BOP1: variants seen among roughly 807,000 people sequenced by gnomAD.
BOP1 encodes ribosome biogenesis protein BOP1.
Under a neutral mutation model 82.9 loss-of-function variants are expected in BOP1, and 54 were observed. The observed-to-expected ratio is 0.65, with a 90% confidence interval of 0.52 to 0.82. BOP1 has a LOEUF of 0.82. Among genes scored for constraint, BOP1 ranks in the 40% least tolerant of loss-of-function variants. BOP1 has a pLI of 0.00. For missense variants in BOP1, 1,170 were observed against 1,072.0 expected (o/e 1.09, Z -1.28); for synonymous variants, 566 against 451.1 (o/e 1.25, Z -3.23).
At chr8:144,290,252 G>T (rs1378566697) in intron 1 of BOP1, among the ~76,000 whole-genome samples, 2 of 151,232 alleles carry the variant, frequency 1.3e-5, no homozygotes, top group African/African-American at 4.9e-5. Context: ...TACTCAGGAG[G>T]CTGAGTTAGC....
chr8:144,267,047 C>G, intron 3 of BOP1: 1 of 1,500,640 alleles, frequency 6.7e-7, no homozygotes, highest in Non-Finnish European at 8.8e-7. Flanking sequence ...CCCTGCCACT[C>G]CGGGCCCGCC....
At chr8:144,266,609 GC>G in intron 3 of BOP1, 2 of 1,166,666 alleles carry the variant, frequency 1.7e-6, no homozygotes, top group East Asian at 7.2e-5. Flanking sequence ...GCCCCCGCCG[GC>G]CCCATGTCCT....
At chr8:144,268,434 A>G (rs964096352) in intron 3 of BOP1, 39 of 559,732 alleles carry the variant, frequency 7.0e-5, no homozygotes, top group African/African-American at 1.3e-4. Flanking sequence ...ATGATAATAT[A>G]AAGTCTGAAA....
intron 3 of BOP1, among the ~76,000 whole-genome samples, chr8:144,271,348 C>T (rs1554837766): frequency 2.0e-5 from 3 of 152,008 alleles, no homozygotes. Flanking sequence ...AGAGAGGAAG[C>T]CGGCCCACCT....
chr8:144,267,006 G>A (rs1423909787), intron 3 of BOP1: 1 of 1,539,836 alleles, frequency 6.5e-7, no homozygotes. Flanking sequence ...GCAACGTGCT[G>A]CTGGCGGGCG....
chr8:144,267,929 T>A (rs1446324793), intron 3 of BOP1, among the ~76,000 whole-genome samples: 7 of 152,186 alleles, frequency 4.6e-5, no homozygotes, highest in Non-Finnish European at 1.0e-4. Flanking sequence ...TTTTACAATT[T>A]CGGCTGTGCA....
In BOP1 at chr8:144,262,437, C is replaced by T. The variant is rs1042555027; in HGVS notation, c.2046G>A (p.Ser682=). 67 of 1,612,702 alleles carry T rather than the reference C, an allele frequency of 4.2e-5. No homozygotes were observed. Among genetic ancestry groups the T allele is most frequent in the African/African-American group, 1.1e-4 (8 of 74,884 alleles). The part of the protein sequence containing the change: ...HPRYPLFASG[S]DDGSVIVCHG... The stretch of plus-strand genomic sequence containing the variant: ...GGCAGACGATGACACTGCCGTCGTC[C>T]GAGCCTGACGCAAAGAGTGGGTACC... The change falls in exon 15 of 16, where the codon TCG becomes TCA. Residue 682 remains serine, a synonymous_variant. Transcript: ENST00000569669.
chr8:144,262,207 A>G lies in BOP1; in HGVS notation c.2198T>C (p.Val733Ala). 6.2e-7 allele frequency: 1 copy of G among 1,612,476 alleles called. No homozygotes were observed. The highest frequency in any genetic ancestry group is 8.5e-7 in the Non-Finnish European group (1 of 1,179,766). ...DVIFHPTQPW[V>A]FSSGADGTVR... The stretch of plus-strand genomic sequence containing the variant: ...AGTCCCGTCTGCCCCCGAGGAGAAG[A>G]CCCACGGCTGGGTGGGGTGGAAGAT... Residue 733 changes from valine to alanine, a missense_variant, in exon 16 of 16, where the codon GTC becomes GCC. Physicochemically the swap from Val to Ala is moderately conservative, Grantham distance 64. Transcript: ENST00000569669.
In BOP1 at chr8:144,289,252, C is replaced by A. The variant is rs879954414; in HGVS notation, c.152G>T (p.Gly51Val). 6.8e-6 allele frequency: 11 copies of A among 1,613,880 alleles called. No homozygotes were observed. In the Middle Eastern group the frequency reaches 6.6e-4, roughly 96 times the overall value. Residue 51 changes from glycine to valine, a missense_variant, in exon 2 of 16, where the codon GGC (glycine) becomes GTC (valine). Physicochemically the swap from Gly to Val is moderately radical, Grantham distance 109. Transcript: ENST00000569669. ...PLSHSTGSDS[G>V]VSDSEESVFS... ...CACACTTTCCTCGCTGTCGGAGACG[C>A]CAGAATCGCTGCCGGTGCTGTGGCT...
chr8:144,265,319 G>T, intron 3 of BOP1: 1 of 591,982 alleles, frequency 1.7e-6, no homozygotes, highest in Non-Finnish European at 3.0e-6. Flanking sequence ...CACTGAAGTG[G>T]TGCCAACCCC....
At position 144,268,207 on chromosome 8, in the gene BOP1, A is replaced by G. The variant is rs1035394146; in HGVS notation, c.391-3136T>C. On this transcript the variant is annotated intron_variant, in intron 3 of 15. Coordinates refer to ENST00000569669, the MANE Select transcript of BOP1 (RefSeq NM_015201.5). Reference sequence around the variant, plus strand: ...GGAGGTGGACGCCCGGGGTGACTGCAGACAGCCCCCACCTTGGACCTGAGC... The same window carrying G: ...GGAGGTGGACGCCCGGGGTGACTGCGGACAGCCCCCACCTTGGACCTGAGC... 1.7e-4 allele frequency: 266 copies of G among 1,546,238 alleles called. 1 individual carries two copies. In the African/African-American group the frequency reaches 3.4e-3, roughly 20 times the overall value.
At chr8:144,275,143 C>T (rs1230972702) in intron 3 of BOP1, among the ~76,000 whole-genome samples, 11 of 152,078 alleles carry the variant, frequency 7.2e-5, no homozygotes, top group African/African-American at 9.7e-5. Context: ...CCAGGCCCCC[C>T]GGGGACAGTT....
intron 2 of BOP1, among the ~76,000 whole-genome samples, chr8:144,277,149 G>A (rs1447973524): frequency 2.6e-5 from 4 of 152,180 alleles, no homozygotes; most frequent in Non-Finnish European, 5.9e-5. Context: ...CAGAGCGAAG[G>A]CGGGCACGCC....
At chr8:144,282,808 C>T (rs547884996) in intron 2 of BOP1, among the ~76,000 whole-genome samples, 11 of 152,242 alleles carry the variant, frequency 7.2e-5, no homozygotes, top group African/African-American at 2.6e-4. Context: ...GCAAAGGGCA[C>T]AGCCAGACCC....
intron 2 of BOP1, among the ~76,000 whole-genome samples, chr8:144,278,779 G>C (rs1368068979): frequency 6.6e-6 from 1 of 152,192 alleles, no homozygotes; most frequent in Non-Finnish European, 1.5e-5. Flanking sequence ...GCCGCAGGGT[G>C]CCCAGCACAG....
At position 144,270,215 on chromosome 8, in the gene BOP1, C is replaced by T. The variant is rs1845470022; in HGVS notation, c.391-5144G>A. On this transcript the variant is annotated intron_variant, in intron 3 of 15. Transcript: ENST00000569669. ...AGGACAGGGCAGAGCCAGCTCAGAG[C>T]GGGAATGCAGGAGGCCAGACAGGAG... 1.3e-5 allele frequency among the ~76,000 whole-genome samples: 2 copies of T among 152,072 alleles called. 1 individual carries two copies. The highest frequency in any genetic ancestry group is 4.1e-4 in the South Asian group (2 of 4,830).
chr8:144,283,223 A>AAAAAAAAAAAAAAAAAAAT, intron 2 of BOP1, among the ~76,000 whole-genome samples: 2 of 147,694 alleles, frequency 1.4e-5, no homozygotes, highest in Non-Finnish European at 3.0e-5. Context: ...AAAAAAAAAA[A>AAAAAAAAAAAAAAAAAAAT]AAGAAAGGCT....
intron 2 of BOP1, among the ~76,000 whole-genome samples, chr8:144,284,007 C>G (rs1814790958): frequency 6.6e-6 from 1 of 152,218 alleles, no homozygotes; most frequent in African/African-American, 2.4e-5. Context: ...ATCCCGGCTA[C>G]TCAGGAGGCT....
At position 144,277,174 on chromosome 8, in the gene BOP1, G is replaced by A. The variant is rs1484967594; in HGVS notation, c.310-870C>T. On this transcript the variant is annotated intron_variant, in intron 2 of 15. Transcript: ENST00000569669. The stretch of plus-strand genomic sequence containing the variant: ...GCGGGCACGCCCCCGCCCCCACCCC[G>A]AGCCCCTCTTCTCTCCGGCCCGGGC... Among the ~76,000 whole-genome samples the A allele has an allele frequency of 2.6e-3, 298 of 115,868 alleles. 2 individuals are homozygous for A. Among genetic ancestry groups the A allele is most frequent in the African/African-American group, 8.5e-3 (263 of 30,950 alleles). The allele number at this position is 115,868 out of a possible 152,430, so 76.0% of individuals were successfully genotyped here.
Sources: gnomAD v4.1 joint callset for allele counts (sites outside exome capture counted in the v4.1 genomes callset) on GRCh38, gnomAD v4.1.1 for gene constraint, MANE v1.5 for transcripts, NCBI Gene and HGNC (gene_info 2026-07-23, HGNC 2026-07-21) for gene names.